Variants in DCLK1 observed in about 807,000 individuals in gnomAD.
DCLK1 encodes the protein doublecortin like kinase 1, also known as serine/threonine-protein kinase DCLK1.
A neutral mutation model predicts 86.2 loss-of-function variants in DCLK1; 16 were observed. The ratio of observed to expected loss-of-function variants is 0.19; its 90% CI spans 0.13 to 0.28. The LOEUF is 0.28. Ranked by LOEUF, DCLK1 falls within the 10% of genes least tolerant of loss-of-function variation. The pLI is 1.00. For synonymous variants in DCLK1, 369 were observed against 370.5 expected (o/e 1.00, Z 0.05); for missense variants, 590 against 940.2 (o/e 0.63, Z 4.87).
chr13:36,024,602 G>C (rs894926614), intron 3 of DCLK1, among the ~76,000 whole-genome samples: 2 of 152,198 alleles, frequency 1.3e-5, no homozygotes, highest in Non-Finnish European at 2.9e-5. Context: ...TAAATGGGAA[G>C]ACATCCTGTG....
At chr13:35,794,942 G>A (rs1332231582) in intron 15 of DCLK1, among the ~76,000 whole-genome samples, 1 of 152,188 alleles carries the variant, frequency 6.6e-6, no homozygotes, top group Non-Finnish European at 1.5e-5. Context: ...AGCAGAGTGT[G>A]GGAGGAAGAT....
rs58830720 is a variant in DCLK1 at position 35,905,838 on chromosome 13, CAA to C, written c.824-34500_824-34499del. ...TGGTGTGGGACTGTGGGCTCCGTCT[CAA>C]AAAAAAAAAGACTGCCAGGGCGAGG... On this transcript the variant is annotated intron_variant, in intron 4 of 16. Transcript: ENST00000360631. Among the ~76,000 whole-genome samples, 1,254 of 142,532 alleles carry C rather than the reference CAA, an allele frequency of 8.8e-3. 23 individuals carry two copies. Among genetic ancestry groups the C allele is most frequent in the African/African-American group, 0.03 (1,185 of 39,804 alleles). The allele number at this position is 142,532 out of a possible 152,430, so 93.5% of individuals were successfully genotyped here.
At chr13:35,898,011 A>G (rs750278377) in intron 4 of DCLK1, among the ~76,000 whole-genome samples, 1 of 152,234 alleles carries the variant, frequency 6.6e-6, no homozygotes, top group Non-Finnish European at 1.5e-5. Context: ...ATATGAAAAC[A>G]TTAAATTATC....
intron 3 of DCLK1, among the ~76,000 whole-genome samples, chr13:36,099,848 C>G (rs1286285735): frequency 6.6e-6 from 1 of 152,090 alleles, no homozygotes; most frequent in African/African-American, 2.4e-5. Context: ...TACAATAATA[C>G]ATGAGATTAG....
At chr13:36,036,800 C>T (rs1882520025) in intron 3 of DCLK1, among the ~76,000 whole-genome samples, 1 of 152,054 alleles carries the variant, frequency 6.6e-6, no homozygotes, top group Non-Finnish European at 1.5e-5. Context: ...AGGTTAAAAA[C>T]AGCATTATCT....
intron 16 of DCLK1, among the ~76,000 whole-genome samples, chr13:35,786,089 C>A (rs2086616465): frequency 6.6e-6 from 1 of 152,166 alleles, no homozygotes; most frequent in Admixed American, 6.6e-5. Context: ...TCTGCTCCTG[C>A]CCATTATTCA....
intron 13 of DCLK1, 24 bp from the exon 14 acceptor site, chr13:35,808,344 GAA>G: frequency 6.3e-7 from 1 of 1,594,218 alleles, no homozygotes; most frequent in Non-Finnish European, 8.6e-7. Context: ...CGACAACAAG[GAA>G]AAACAGCACT....
rs1161121038 is a variant in DCLK1 at position 35,826,558 on chromosome 13, A to AGGAGGGAGGGAGGGAGGGAGGGAGGGAGG, written c.1407+1076_1407+1077insCCTCCCTCCCTCCCTCCCTCCCTCCCTCC. On this transcript the variant is annotated intron_variant, in intron 10 of 16. Transcript: ENST00000360631. ...AAAAAAAAAAGAAAGAAAGAAAGAA[A>AGGAGGGAGGGAGGGAGGGAGGGAGGGAGG]GAAACAAGTCCTAATTTGAAGTAGA... 4.8e-4 allele frequency among the ~76,000 whole-genome samples: 13 copies of AGGAGGGAGGGAGGGAGGGAGGGAGGGAGG among 27,260 alleles called. 2 individuals are homozygous for AGGAGGGAGGGAGGGAGGGAGGGAGGGAGG. Among genetic ancestry groups the AGGAGGGAGGGAGGGAGGGAGGGAGGGAGG allele is most frequent in the African/African-American group, 5.9e-4 (9 of 15,348 alleles). 17.9% of individuals were successfully genotyped at this position (27,260 alleles called of 152,430 possible). A position where few individuals can be genotyped will look rare whatever the true frequency, so the allele number is the denominator to read the frequency against.
chr13:35,798,810 G>C (rs990655070), intron 15 of DCLK1, among the ~76,000 whole-genome samples: 3 of 152,198 alleles, frequency 2.0e-5, no homozygotes. Context: ...AGCACAATAA[G>C]ATGAATGTTT....
At chr13:35,941,751 A>G (rs907612203) in intron 4 of DCLK1, among the ~76,000 whole-genome samples, 1 of 152,228 alleles carries the variant, frequency 6.6e-6, no homozygotes, top group African/African-American at 2.4e-5. Flanking sequence ...TTTTATGAAT[A>G]TTAAATAACA....
At chr13:35,857,829 G>T (rs1871155823) in intron 5 of DCLK1, among the ~76,000 whole-genome samples, 1 of 152,304 alleles carries the variant, frequency 6.6e-6, no homozygotes, top group Non-Finnish European at 1.5e-5. Flanking sequence ...CTGTTTCAGG[G>T]CTGGATACGA....
intron 3 of DCLK1, among the ~76,000 whole-genome samples, chr13:35,958,085 A>AACC (rs1878146725): frequency 1.1e-3 from 6 of 5,436 alleles, no homozygotes; most frequent in South Asian, 5.4e-3. Flanking sequence ...CCACTACTAT[A>AACC]ACCATCACCA....
chr13:36,011,712 G>C (rs924648262), intron 3 of DCLK1, among the ~76,000 whole-genome samples: 2 of 151,912 alleles, frequency 1.3e-5, no homozygotes, highest in Non-Finnish European at 2.9e-5. Context: ...TGTTGATTTG[G>C]GGTGGAGAGT....
intron 3 of DCLK1, among the ~76,000 whole-genome samples, chr13:36,024,096 A>G (rs993966786): frequency 4.0e-5 from 6 of 151,320 alleles, no homozygotes; most frequent in Non-Finnish European, 8.9e-5. Context: ...GGGTTTCACC[A>G]TGTTGGCAAG....
At chr13:36,108,747 G>A (rs915771322) in intron 3 of DCLK1, among the ~76,000 whole-genome samples, 1 of 152,094 alleles carries the variant, frequency 6.6e-6, no homozygotes, top group Non-Finnish European at 1.5e-5. Flanking sequence ...TTCTTTACTG[G>A]GCACTGGAAT....
At position 35,959,413 on chromosome 13, in the gene DCLK1, G is replaced by A. The variant is rs149343841; in HGVS notation, c.724-11956C>T. Among the ~76,000 whole-genome samples the A allele has an allele frequency of 5.4e-3, 828 of 152,226 alleles. 6 individuals carry two copies. Among genetic ancestry groups the A allele is most frequent in the Non-Finnish European group, 7.9e-3 (540 of 67,998 alleles). ...GGCCATTAACACAGGCAGACAGTAG[G>A]AAATTGATGGGGACTGCACTGACCT... On this transcript the variant is annotated intron_variant, in intron 3 of 16. Coordinates refer to ENST00000360631, the MANE Select transcript of DCLK1 (RefSeq NM_001330071.2).
chr13:36,100,026 G>A (rs538250160), intron 3 of DCLK1, among the ~76,000 whole-genome samples: 1 of 151,918 alleles, frequency 6.6e-6, no homozygotes, highest in South Asian at 2.1e-4. Flanking sequence ...TGTAAATAAA[G>A]AGAAAAGCAA....
At chr13:36,019,388 C>G (rs2153150157) in intron 3 of DCLK1, among the ~76,000 whole-genome samples, 1 of 152,280 alleles carries the variant, frequency 6.6e-6, no homozygotes, top group East Asian at 1.9e-4. Flanking sequence ...AATGCCAGAC[C>G]TGAAAAAGTG....
chr13:35,802,851 A>G (rs1183887239), intron 15 of DCLK1, among the ~76,000 whole-genome samples: 1 of 152,138 alleles, frequency 6.6e-6, no homozygotes, highest in Non-Finnish European at 1.5e-5. Context: ...GTCATACAGC[A>G]TTAACATGTG....
Sources: gnomAD v4.1 joint callset for allele counts (sites outside exome capture counted in the v4.1 genomes callset) on GRCh38, gnomAD v4.1.1 for gene constraint, MANE v1.5 for transcripts, NCBI Gene and HGNC (gene_info 2026-07-23, HGNC 2026-07-21) for gene names.